The following CNTNAP3B variants were observed in gnomAD, a reference collection of about 807,000 sequenced individuals.
CNTNAP3B encodes the protein contactin associated protein family member 3B.
In CNTNAP3B, 25 loss-of-function variants were observed where a neutral mutation model predicts 108.9. That is an observed-to-expected ratio of 0.23 (90% confidence interval 0.17 to 0.32). CNTNAP3B has a LOEUF of 0.32. Ranked by LOEUF, CNTNAP3B falls within the 10% of genes least tolerant of loss-of-function variation. CNTNAP3B has a pLI of 1.00. For synonymous variants in CNTNAP3B, 103 were observed against 473.4 expected (o/e 0.22, Z 10.16); for missense variants, 252 against 1,210.4 (o/e 0.21, Z 11.75).
chr9:41,936,418 A>C (rs1168321329), intron 14 of CNTNAP3B, among the ~76,000 whole-genome samples: 2 of 152,222 alleles, frequency 1.3e-5, no homozygotes, highest in African/African-American at 4.8e-5. Context: ...GGGACAGACC[A>C]ATGAGCTGGA....
At chr9:42,108,519 C>T (rs1587277507) in intron 1 of CNTNAP3B, among the ~76,000 whole-genome samples, 2 of 133,266 alleles carry the variant, frequency 1.5e-5, no homozygotes, top group South Asian at 5.0e-4. Context: ...TTGGAAAATG[C>T]AGAGAATAAA....
rs776712907 is a variant in CNTNAP3B, at chr9:41,977,742, C to G, written c.1478-7497G>C. Among the ~76,000 whole-genome samples the G allele has an allele frequency of 4.8e-3, 612 of 127,974 alleles. 16 individuals are homozygous for G. The highest frequency in any genetic ancestry group is 7.3e-3 in the Middle Eastern group (2 of 274). 84.0% of individuals were successfully genotyped at this position (127,974 alleles called of 152,430 possible). A position where few individuals can be genotyped will look rare whatever the true frequency, so the allele number is the denominator to read the frequency against. ...TCATGCCATTCTCCTGCCTCAGCCT[C>G]CTGGGAAGCTGGGACTACAGGCGCC... On this transcript the variant is annotated intron_variant, in intron 9 of 23. Transcript: ENST00000377561.
chr9:42,093,293 C>T lies in CNTNAP3B; in HGVS notation c.196+11336G>A, dbSNP rs867294387. ...CCAGGAAGCGGAGGTTGCAGTCAGC[C>T]GAGATCACGTCACTGCACTCCAGCC... On this transcript the variant is annotated intron_variant, in intron 2 of 23. Coordinates refer to ENST00000377561, the MANE Select transcript of CNTNAP3B (RefSeq NM_001201380.3). 1.0e-3 allele frequency among the ~76,000 whole-genome samples: 98 copies of T among 94,918 alleles called. 27 individuals carry two copies. The highest frequency in any genetic ancestry group is 3.3e-3 in the African/African-American group (85 of 25,510). The allele number at this position is 94,918 out of a possible 152,430, so 62.3% of individuals were successfully genotyped here.
rs1439287928 is a variant in CNTNAP3B at position 42,126,664 on chromosome 9, G to A, written c.85+2346C>T. ...GGCTCACTGCAACCTCCACCTCCCA[G>A]GTTCAAGCGATTCTCCTGCCTCAGC... On this transcript the variant is annotated intron_variant, in intron 1 of 23. Transcript: ENST00000377561. Among the ~76,000 whole-genome samples, 6 of 135,740 alleles carry A rather than the reference G, an allele frequency of 4.4e-5. No individual in the cohort carries two copies. The South Asian group carries it at 1.4e-3, about 33-fold the overall frequency. 89.1% of individuals were successfully genotyped at this position (135,740 alleles called of 152,430 possible). A position where few individuals can be genotyped will look rare whatever the true frequency, so the allele number is the denominator to read the frequency against.
At chr9:42,014,769 C>T (rs1175984916) in intron 3 of CNTNAP3B, among the ~76,000 whole-genome samples, 39 of 49,540 alleles carry the variant, frequency 7.9e-4, no homozygotes, top group African/African-American at 3.5e-3. Context: ...CCAGCCTGGG[C>T]AACAGAGGTA....
chr9:42,053,578 G>A (rs1283130511), intron 3 of CNTNAP3B, among the ~76,000 whole-genome samples: 2 of 139,782 alleles, frequency 1.4e-5, no homozygotes, highest in Admixed American at 1.4e-4. Context: ...TTCTGAGGTG[G>A]AGACCAGTTG....
rs1230089293 is a variant in CNTNAP3B, at chr9:42,119,317, A to G, written c.85+9693T>C. ...AAGGAGAACTACAAACCACTGCTCAATGAAATAAAAGAGGATACAAACAAA... is the reference window on the plus strand; with the variant it reads ...AAGGAGAACTACAAACCACTGCTCAGTGAAATAAAAGAGGATACAAACAAA... On this transcript the variant is annotated intron_variant, in intron 1 of 23. Transcript: ENST00000377561. Among the ~76,000 whole-genome samples, 2 of 129,678 alleles carry G rather than the reference A, an allele frequency of 1.5e-5. 1 individual carries two copies. Among genetic ancestry groups the G allele is most frequent in the Non-Finnish European group, 3.2e-5 (2 of 62,026 alleles). 85.1% of individuals were successfully genotyped at this position (129,678 alleles called of 152,430 possible).
intron 2 of CNTNAP3B, among the ~76,000 whole-genome samples, chr9:42,078,585 A>C (rs1159797550): frequency 7.3e-6 from 1 of 136,174 alleles, no homozygotes; most frequent in Non-Finnish European, 1.6e-5. Flanking sequence ...ACTGATAACC[A>C]ACACTGTGCA....
At chr9:41,921,012 G>A (rs1451939522) in intron 17 of CNTNAP3B, among the ~76,000 whole-genome samples, 7 of 152,298 alleles carry the variant, frequency 4.6e-5, no homozygotes, top group East Asian at 3.8e-4. Context: ...TTATGAAGGC[G>A]ACAATTCTCA....
At chr9:41,947,905 A>T (rs1398873245) in intron 13 of CNTNAP3B, among the ~76,000 whole-genome samples, 4 of 152,270 alleles carry the variant, frequency 2.6e-5, no homozygotes, top group African/African-American at 9.6e-5. Flanking sequence ...TACACAAATC[A>T]ACTTGACAAT....
At chr9:41,950,422 A>G (rs1182397974) in intron 13 of CNTNAP3B, among the ~76,000 whole-genome samples, 1 of 136,826 alleles carries the variant, frequency 7.3e-6, no homozygotes, top group Non-Finnish European at 1.6e-5. Context: ...TGTTCACACA[A>G]AACCTGTACA....
chr9:41,943,849 C>T (rs1166157000), intron 13 of CNTNAP3B, among the ~76,000 whole-genome samples: 1 of 152,410 alleles, frequency 6.6e-6, no homozygotes, highest in African/African-American at 2.4e-5. Flanking sequence ...AAAAAAACCA[C>T]ACCTAGGCAT....
intron 2 of CNTNAP3B, among the ~76,000 whole-genome samples, chr9:42,097,729 A>G (rs1354971784): frequency 1.5e-5 from 2 of 135,824 alleles, no homozygotes; most frequent in Non-Finnish European, 3.1e-5. Context: ...CTTCTTACGT[A>G]TGGCAGTGGG....
At chr9:42,103,417 T>TG (rs1828038891) in intron 2 of CNTNAP3B, among the ~76,000 whole-genome samples, 1 of 29,514 alleles carries the variant, frequency 3.4e-5, no homozygotes, top group East Asian at 1.5e-3. Context: ...CAACAGGGAG[T>TG]TAAAAAAAAA....
chr9:41,934,741 T>C (rs1192173659), intron 14 of CNTNAP3B, among the ~76,000 whole-genome samples: 1 of 152,288 alleles, frequency 6.6e-6, no homozygotes, highest in Non-Finnish European at 1.5e-5. Context: ...GCTTATATTT[T>C]ATCTTTTGTA....
Position 42,117,117 on chromosome 9 carries a change from A to G in CNTNAP3B, c.85+11893T>C, listed in dbSNP as rs11793442. Among the ~76,000 whole-genome samples, 30 of 137,478 alleles carry G rather than the reference A, an allele frequency of 2.2e-4. 6 individuals carry two copies. The highest frequency in any genetic ancestry group is 7.9e-4 in the African/African-American group (27 of 34,378). 90.2% of individuals were successfully genotyped at this position (137,478 alleles called of 152,430 possible). On this transcript the variant is annotated intron_variant, in intron 1 of 23. Coordinates refer to ENST00000377561, the MANE Select transcript of CNTNAP3B (RefSeq NM_001201380.3). Reference sequence around the variant, plus strand: ...CACTGTCAACATTAGACAGATCAACAAGACAGAAAGTTAAAAAGGATATCC... The same window carrying G: ...CACTGTCAACATTAGACAGATCAACGAGACAGAAAGTTAAAAAGGATATCC...
rs1173558988 is a variant in CNTNAP3B at position 42,019,448 on chromosome 9, A to G, written c.391-5923T>C. On this transcript the variant is annotated intron_variant, in intron 3 of 23. Transcript: ENST00000377561. The stretch of plus-strand genomic sequence containing the variant: ...ACCTGAGGCTTCAGTTTAGCTGGAA[A>G]GCACGCTACAAAGTACTACGGGGCC... Among the ~76,000 whole-genome samples the G allele has an allele frequency of 5.2e-5, 4 of 76,832 alleles. 1 individual carries two copies. The highest frequency in any genetic ancestry group is 3.0e-4 in the Admixed American group (2 of 6,720). 50.4% of individuals were successfully genotyped at this position (76,832 alleles called of 152,430 possible). A position where few individuals can be genotyped will look rare whatever the true frequency, so the allele number is the denominator to read the frequency against.
Position 41,983,124 on chromosome 9 carries a change from A to AC in CNTNAP3B, c.1477+3043dup, listed in dbSNP as rs1158437298. ...TTACCTGGGTGATGGAATAATCTGT[A>AC]CCCCAAGCCCCCATTACATGCAATT... On this transcript the variant is annotated intron_variant, in intron 9 of 23. Coordinates refer to ENST00000377561, the MANE Select transcript of CNTNAP3B (RefSeq NM_001201380.3). Among the ~76,000 whole-genome samples the AC allele has an allele frequency of 3.7e-5, 5 of 133,632 alleles. 1 individual carries two copies. The East Asian group carries it at 1.1e-3, about 30-fold the overall frequency. The allele number at this position is 133,632 out of a possible 152,430, so 87.7% of individuals were successfully genotyped here. A position where few individuals can be genotyped will look rare whatever the true frequency, so the allele number is the denominator to read the frequency against.
intron 10 of CNTNAP3B, among the ~76,000 whole-genome samples, chr9:41,967,362 T>C (rs1825311875): frequency 6.6e-6 from 1 of 152,098 alleles, no homozygotes; most frequent in Non-Finnish European, 1.5e-5. Context: ...GCACAGGTTC[T>C]CTTGCGTGCT....
Sources: gnomAD v4.1 joint callset for allele counts (sites outside exome capture counted in the v4.1 genomes callset) on GRCh38, gnomAD v4.1.1 for gene constraint, MANE v1.5 for transcripts, NCBI Gene and HGNC (gene_info 2026-07-23, HGNC 2026-07-21) for gene names.